Variants in CTNNA3 observed in about 807,000 individuals in gnomAD.
The protein encoded by CTNNA3 is catenin alpha 3, also known as catenin alpha-3.
Under a neutral mutation model 95.7 loss-of-function variants are expected in CTNNA3, and 76 were observed. That is an observed-to-expected ratio of 0.79 (90% CI 0.66 to 0.96). CTNNA3 has a LOEUF of 0.96. Ranked by LOEUF, CTNNA3 falls within the 40% of genes least tolerant of loss-of-function variation. CTNNA3 has a pLI of 0.00. For missense variants in CTNNA3, 1,191 were observed against 1,089.8 expected (o/e 1.09, Z -1.31); for synonymous variants, 431 against 374.4 (o/e 1.15, Z -1.74).
chr10:67,445,474 C>T (rs1463479188), intron 5 of CTNNA3, among the ~76,000 whole-genome samples: 2 of 151,780 alleles, frequency 1.3e-5, no homozygotes, highest in Non-Finnish European at 2.9e-5. Context: ...TTTCTTTGCC[C>T]TTTGCCCCAC....
intron 3 of CTNNA3, among the ~76,000 whole-genome samples, chr10:67,543,178 C>T (rs533071961): frequency 2.1e-4 from 32 of 151,884 alleles, no homozygotes; most frequent in South Asian, 1.0e-3. Context: ...TTCCTAAAAA[C>T]GGGATTTTTT....
intron 13 of CTNNA3, among the ~76,000 whole-genome samples, chr10:66,241,392 T>G (rs1487629216): frequency 1.3e-5 from 2 of 152,198 alleles, no homozygotes; most frequent in Non-Finnish European, 2.9e-5. Flanking sequence ...AAATAAAGGT[T>G]GACCTTTTCA....
At chr10:66,272,276 G>C (rs1009837927) in intron 13 of CTNNA3, among the ~76,000 whole-genome samples, 1 of 152,144 alleles carries the variant, frequency 6.6e-6, no homozygotes, top group Non-Finnish European at 1.5e-5. Flanking sequence ...CATTCCATGA[G>C]TCCTGTGAGG....
chr10:66,316,510 C>G (rs1391329513), intron 12 of CTNNA3, among the ~76,000 whole-genome samples: 2 of 152,010 alleles, frequency 1.3e-5, no homozygotes, highest in Non-Finnish European at 1.5e-5. Context: ...CAGCCCTGAA[C>G]AGGACACCAT....
At chr10:66,548,472 G>GA (rs1842106609) in intron 10 of CTNNA3, among the ~76,000 whole-genome samples, 1 of 152,114 alleles carries the variant, frequency 6.6e-6, no homozygotes, top group African/African-American at 2.4e-5. Context: ...TAGGACAATA[G>GA]AAAAGTGTGA....
intron 7 of CTNNA3, among the ~76,000 whole-genome samples, chr10:66,883,675 A>G (rs1452073336): frequency 6.6e-6 from 1 of 152,164 alleles, no homozygotes; most frequent in African/African-American, 2.4e-5. Flanking sequence ...TAAATGGCAG[A>G]GCTAGGATAT....
intron 3 of CTNNA3, among the ~76,000 whole-genome samples, chr10:67,585,897 T>C (rs1040307987): frequency 2.0e-5 from 3 of 152,128 alleles, no homozygotes; most frequent in Non-Finnish European, 4.4e-5. Context: ...ACTTTTCTAG[T>C]TCCTTGAAGT....
chr10:67,299,433 A>G (rs527481371), intron 5 of CTNNA3, among the ~76,000 whole-genome samples: 1 of 152,208 alleles, frequency 6.6e-6, no homozygotes, highest in Non-Finnish European at 1.5e-5. Flanking sequence ...TTTAAATACT[A>G]TGGTGGCATT....
At chr10:65,930,241 G>T (rs914305767) in intron 17 of CTNNA3, among the ~76,000 whole-genome samples, 2 of 148,060 alleles carry the variant, frequency 1.4e-5, no homozygotes, top group African/African-American at 5.0e-5. Flanking sequence ...AACTACTGTA[G>T]GTGCTTCAAA....
intron 13 of CTNNA3, among the ~76,000 whole-genome samples, chr10:66,136,094 G>C (rs1427481598): frequency 1.3e-5 from 2 of 151,912 alleles, no homozygotes; most frequent in South Asian, 4.2e-4. Context: ...GTAGAGACGG[G>C]GGTTTCACCA....
At chr10:66,035,602 T>G (rs2079545029) in intron 15 of CTNNA3, among the ~76,000 whole-genome samples, 2 of 151,972 alleles carry the variant, frequency 1.3e-5, no homozygotes, top group Admixed American at 1.3e-4. Flanking sequence ...CTTTGATACT[T>G]AAATCTTTTT....
intron 7 of CTNNA3, among the ~76,000 whole-genome samples, chr10:67,168,058 A>C (rs1861859367): frequency 6.6e-6 from 1 of 152,116 alleles, no homozygotes; most frequent in African/African-American, 2.4e-5. Context: ...AATTGCTTGA[A>C]CTGGGGGCCA....
rs567607313 is a variant in CTNNA3, at chr10:66,927,923, A to C, written c.1048-152399T>G. ...AAAAGTTTTAAAGGTCTAAGGGAGA[A>C]TACAATTATCTGTGCCAGTCCCAAA... On this transcript the variant is annotated intron_variant, in intron 7 of 17. Transcript: ENST00000433211. This position sits in a 1 kb window ranked among gnomAD's most constrained non-coding sequence, Gnocchi z 4.7. The C allele has an allele frequency of 1.7e-4, 277 of 1,614,248 alleles. 3 individuals carry two copies. In the South Asian group the frequency reaches 2.6e-3, roughly 15 times the overall value.
intron 11 of CTNNA3, among the ~76,000 whole-genome samples, chr10:66,399,712 C>A (rs2093005620): frequency 6.6e-6 from 1 of 151,912 alleles, no homozygotes; most frequent in African/African-American, 2.4e-5. Flanking sequence ...ATTATATTTT[C>A]AATGAATAGT....
chr10:66,319,901 A>G (rs1269514817), intron 12 of CTNNA3, among the ~76,000 whole-genome samples: 1 of 152,140 alleles, frequency 6.6e-6, no homozygotes, highest in Non-Finnish European at 1.5e-5. Context: ...TCCTGTGGGT[A>G]GGAGTAGATA....
chr10:66,817,639 G>A (rs1011514228), intron 7 of CTNNA3, among the ~76,000 whole-genome samples: 11 of 151,970 alleles, frequency 7.2e-5, no homozygotes, highest in Non-Finnish European at 1.6e-4. Flanking sequence ...TATAACAAGT[G>A]AAGAGACTGA....
intron 10 of CTNNA3, among the ~76,000 whole-genome samples, chr10:66,620,063 G>A (rs1183777723): frequency 1.3e-5 from 2 of 151,974 alleles, no homozygotes; most frequent in Non-Finnish European, 2.9e-5. Context: ...ATATTTCAGA[G>A]GGAATAAATA....
intron 1 of CTNNA3, among the ~76,000 whole-genome samples, chr10:67,675,661 A>G (rs1840521683): frequency 6.6e-6 from 1 of 152,186 alleles, no homozygotes; most frequent in Non-Finnish European, 1.5e-5. Context: ...GCCAAGTCTA[A>G]CATTAATGGA....
At chr10:66,628,302 G>A (rs556411442) in intron 9 of CTNNA3, among the ~76,000 whole-genome samples, 4 of 152,054 alleles carry the variant, frequency 2.6e-5, no homozygotes, top group East Asian at 3.9e-4. Context: ...TAATTTGTTC[G>A]TTGGAAGCTG....
Sources: allele counts gnomAD v4.1 joint callset (sites outside exome capture counted in the v4.1 genomes callset), GRCh38; gene constraint gnomAD v4.1.1; non-coding constraint Gnocchi (gnomAD v3.1); transcripts MANE v1.5; gene names NCBI Gene and HGNC (gene_info 2026-07-23, HGNC 2026-07-21).